Variants in ATXN7 observed in about 807,000 individuals in gnomAD.
The protein encoded by ATXN7 is ataxin-7.
In ATXN7, 12 loss-of-function variants were observed where a neutral mutation model predicts 70.5. The observed-to-expected ratio is 0.17, with a 90% CI of 0.11 to 0.28. The LOEUF is 0.28. ATXN7 is among the 10% of genes least tolerant of loss of function. The pLI is 1.00. For synonymous variants in ATXN7, 498 were observed against 448.7 expected (o/e 1.11, Z -1.39); for missense variants, 1,256 against 1,131.7 (o/e 1.11, Z -1.58).
At chr3:63,874,264 T>G (rs1278486087) in intron 1 of ATXN7, among the ~76,000 whole-genome samples, 1 of 152,258 alleles carries the variant, frequency 6.6e-6, no homozygotes, top group Non-Finnish European at 1.5e-5. Flanking sequence ...AAGTTTATGG[T>G]CTCTGCACTA....
intron 2 of ATXN7, among the ~76,000 whole-genome samples, chr3:63,909,864 T>C (rs773078426): frequency 6.6e-6 from 1 of 152,212 alleles, no homozygotes; most frequent in Non-Finnish European, 1.5e-5. Context: ...TCCTAAGGGA[T>C]TGAGCTGAAT....
intron 5 of ATXN7, among the ~76,000 whole-genome samples, chr3:63,953,838 G>C (rs2074994865): frequency 6.6e-6 from 1 of 152,008 alleles, no homozygotes; most frequent in African/African-American, 2.4e-5. Context: ...AGTAGAGACA[G>C]GGTTTCACCA....
At chr3:63,940,618 A>C (rs2074742557) in intron 4 of ATXN7, among the ~76,000 whole-genome samples, 1 of 152,200 alleles carries the variant, frequency 6.6e-6, no homozygotes, top group African/African-American at 2.4e-5. Flanking sequence ...CACTCTGCTT[A>C]CTGTGTTTAG....
intron 5 of ATXN7, among the ~76,000 whole-genome samples, chr3:63,960,750 C>A (rs2075115692): frequency 2.0e-5 from 3 of 151,624 alleles, no homozygotes; most frequent in African/African-American, 7.3e-5. Flanking sequence ...ATGAGGTGCA[C>A]TGACCTGAAT....
rs551266379 is a variant in ATXN7, at chr3:63,904,069, A to G, written c.-12+5572A>G. On this transcript the variant is annotated intron_variant, in intron 2 of 12. Coordinates refer to ENST00000674280, the MANE Select transcript of ATXN7 (RefSeq NM_001377405.1). Reference sequence around the variant, plus strand: ...TTTTAGCACCCACATTGGAGACCCCATCGCATTCCTAAGCAGTCACTCTCC... The same window carrying G: ...TTTTAGCACCCACATTGGAGACCCCGTCGCATTCCTAAGCAGTCACTCTCC... 4 of 152,276 alleles carry G rather than the reference A, an allele frequency of 2.6e-5. No homozygotes were observed. In the East Asian group the frequency reaches 7.7e-4, roughly 29 times the overall value. The allele number at this position is 152,276 out of a possible 1,614,324, so 9.4% of individuals were successfully genotyped here.
intron 2 of ATXN7, among the ~76,000 whole-genome samples, chr3:63,903,053 C>T (rs921457125): frequency 2.0e-5 from 3 of 151,022 alleles, no homozygotes; most frequent in African/African-American, 7.3e-5. Flanking sequence ...TTTGCATAGA[C>T]TTATCATCAT....
chr3:63,992,298 G>T (rs1227960932), intron 11 of ATXN7, among the ~76,000 whole-genome samples: 2 of 152,106 alleles, frequency 1.3e-5, no homozygotes, highest in African/African-American at 4.8e-5. Flanking sequence ...TTTCTTTCTG[G>T]TTCTTGCTGG....
At chr3:63,986,349 T>G (rs184331320) in intron 8 of ATXN7, among the ~76,000 whole-genome samples, 5 of 152,170 alleles carry the variant, frequency 3.3e-5, no homozygotes, top group Non-Finnish European at 5.9e-5. Context: ...GTTTGGAATG[T>G]TCTTCACAGC....
At chr3:63,908,295 G>A (rs1228063604) in intron 2 of ATXN7, among the ~76,000 whole-genome samples, 1 of 152,204 alleles carries the variant, frequency 6.6e-6, no homozygotes, top group Non-Finnish European at 1.5e-5. Flanking sequence ...CTTCACTAGA[G>A]GGAGCATAGT....
chr3:63,982,112 C>T (rs1025828391), intron 6 of ATXN7, 74 bp from the exon 7 acceptor site: 3 of 1,597,364 alleles, frequency 1.9e-6, no homozygotes, highest in Non-Finnish European at 2.6e-6. Flanking sequence ...CTATCCTCAT[C>T]CCTCTGGCTC....
At chr3:63,948,170 A>C (rs931699580) in intron 4 of ATXN7, among the ~76,000 whole-genome samples, 7 of 152,276 alleles carry the variant, frequency 4.6e-5, no homozygotes, top group African/African-American at 1.7e-4. Context: ...AGTGGTGGCC[A>C]TGGCAGTGGA....
chr3:63,990,231 G>A lies in ATXN7; in HGVS notation c.1417G>A (p.Val473Ile). The A allele has an allele frequency of 1.2e-6, 2 of 1,613,858 alleles. No homozygotes were observed. Among genetic ancestry groups the A allele is most frequent in the African/African-American group, 2.7e-5 (2 of 74,992 alleles). Reference protein sequence around the residue: ...GGSAPIDPPPVHESPHPPLPA... With the variant: ...GGSAPIDPPPIHESPHPPLPA... ...GAGTGCCCCCATTGACCCTCCTCCA[G>A]TCCATGAATCTCCACACCCTCCCCT... The change falls in exon 10 of 13, where the codon GTC becomes ATC. Residue 473 changes from valine to isoleucine, a missense_variant. Transcript: ENST00000674280.
At position 63,995,814 on chromosome 3, in the gene ATXN7, C is replaced by T. The variant is rs750548918; in HGVS notation, c.1992C>T (p.Ser664=). 1.9e-6 allele frequency: 3 copies of T among 1,614,228 alleles called. No homozygotes were observed. The highest frequency in any genetic ancestry group is 2.5e-6 in the Non-Finnish European group (3 of 1,180,048). Residue 664 remains serine (S), a synonymous_variant, in exon 12 of 13, where the codon TCC becomes TCT. Coordinates refer to ENST00000674280, the MANE Select transcript of ATXN7 (RefSeq NM_001377405.1). ...CCTCTGGCCTTTCCTCGGTTCCTTC[C>T]TCCCCCATGTCCAGGAAACCTCAGA... ...STPSGLSSVP[S]SPMSRKPQKL...
At chr3:63,863,273 CG>C (rs1702275627), upstream of ATXN7, 1 of 221,492 alleles carries the variant, frequency 4.5e-6, no homozygotes, top group Admixed American at 6.5e-5. Flanking sequence ...AGACGAGTCC[CG>C]AAATTCCCGC....
At position 63,883,838 on chromosome 3, in the gene ATXN7, C is replaced by T. The variant is rs559276649; in HGVS notation, c.-110-14561C>T. On this transcript the variant is annotated intron_variant, in intron 1 of 12. Transcript: ENST00000674280. Reference sequence around the variant, plus strand: ...TTAATTCTAGATTTCTTCTTGTTTCCCCCAACAACAGAAAAAAAAATATTT... The same window carrying T: ...TTAATTCTAGATTTCTTCTTGTTTCTCCCAACAACAGAAAAAAAAATATTT... Among the ~76,000 whole-genome samples, 16 of 151,970 alleles carry T rather than the reference C, an allele frequency of 1.1e-4. No individual in the cohort carries two copies. In the East Asian group the frequency reaches 2.1e-3, roughly 20 times the overall value.
chr3:63,941,466 G>A (rs1350395046), intron 4 of ATXN7, among the ~76,000 whole-genome samples: 1 of 152,176 alleles, frequency 6.6e-6, no homozygotes, highest in Admixed American at 6.5e-5. Flanking sequence ...TCTAACTAAT[G>A]TCTGATTATA....
At chr3:63,943,880 A>G (rs771347646) in intron 4 of ATXN7, among the ~76,000 whole-genome samples, 3 of 152,062 alleles carry the variant, frequency 2.0e-5, no homozygotes, top group Non-Finnish European at 2.9e-5. Flanking sequence ...GTCTCACTCT[A>G]TTGCATCAGC....
At chr3:63,997,660 A>C (rs559076613) in intron 12 of ATXN7, 2 of 1,552,266 alleles carry the variant, frequency 1.3e-6, no homozygotes, top group Admixed American at 2.0e-5. Context: ...AATTTCAGCA[A>C]CATCACCCCA....
chr3:63,945,562 G>A (rs2074846006), intron 4 of ATXN7, among the ~76,000 whole-genome samples: 1 of 152,160 alleles, frequency 6.6e-6, no homozygotes, highest in Non-Finnish European at 1.5e-5. Flanking sequence ...CTGACTTACG[G>A]TGGCATCACA....
Sources: gnomAD v4.1 joint callset for allele counts (sites outside exome capture counted in the v4.1 genomes callset) on GRCh38, gnomAD v4.1.1 for gene constraint, MANE v1.5 for transcripts, NCBI Gene and HGNC (gene_info 2026-07-23, HGNC 2026-07-21) for gene names.